The following CHKA variants were observed in gnomAD, a reference collection of about 807,000 sequenced individuals.
CHKA encodes the protein choline kinase alpha.
A neutral mutation model predicts 60.1 loss-of-function variants in CHKA; 34 were observed. The observed-to-expected ratio is 0.57, with a 90% confidence interval of 0.43 to 0.75. CHKA has a LOEUF of 0.75. Ranked by LOEUF, CHKA falls within the 30% of genes least tolerant of loss-of-function variation. CHKA has a pLI of 0.00. For synonymous variants in CHKA, 217 were observed against 223.1 expected (o/e 0.97, Z 0.24); for missense variants, 563 against 561.3 (o/e 1.00, Z -0.03).
rs556014104 is a variant in CHKA at position 68,064,647 on chromosome 11, T to C, written c.1126-16A>G. 29 of 1,440,016 alleles carry C rather than the reference T, an allele frequency of 2.0e-5. No homozygotes were observed. The South Asian group carries it at 2.3e-4, about 12-fold the overall frequency. 89.2% of individuals were successfully genotyped at this position (1,440,016 alleles called of 1,614,324 possible). Reference sequence around the variant, plus strand: ...TAAAATGGAGCTTAAAAAAAAGTAATTGTGTTAGGATCAATGATGGTTAAA... The same window carrying C: ...TAAAATGGAGCTTAAAAAAAAGTAACTGTGTTAGGATCAATGATGGTTAAA... On this transcript the variant is annotated splice_polypyrimidine_tract_variant and intron_variant, in intron 9 of 11. Transcript: ENST00000265689.
chr11:68,109,537 G>A (rs1365718931), intron 1 of CHKA, among the ~76,000 whole-genome samples: 1 of 152,150 alleles, frequency 6.6e-6, no homozygotes, highest in East Asian at 1.9e-4. Flanking sequence ...GCCCCCTCTG[G>A]CCATTCTGTC....
intron 11 of CHKA, chr11:68,061,747 C>T (rs1221416148): frequency 1.6e-6 from 1 of 609,010 alleles, no homozygotes; most frequent in South Asian, 1.5e-5. Flanking sequence ...AAGGCAACCA[C>T]AGCATCAGTG....
chr11:68,085,845 C>T (rs959875027), intron 2 of CHKA, among the ~76,000 whole-genome samples: 8 of 152,076 alleles, frequency 5.3e-5, no homozygotes, highest in African/African-American at 1.9e-4. Context: ...CTCACTGCAA[C>T]CTCCACCTCC....
At chr11:68,115,827 T>C (rs553953433) in intron 1 of CHKA, among the ~76,000 whole-genome samples, 113 of 152,332 alleles carry the variant, frequency 7.4e-4, no homozygotes, top group Non-Finnish European at 1.4e-3. Flanking sequence ...AAAAATGAAA[T>C]TGAAAATTGT....
rs1213897316 is a variant in CHKA, at chr11:68,121,091, CG to C, written c.86del (p.Pro29ArgfsTer126). The C allele has an allele frequency of 8.8e-7, 1 of 1,135,970 alleles. No homozygotes were observed. The highest frequency in any genetic ancestry group is 1.1e-6 in the Non-Finnish European group (1 of 927,142). 70.4% of individuals were successfully genotyped at this position (1,135,970 alleles called of 1,614,324 possible). On this transcript the variant is annotated frameshift_variant, in exon 1 of 12. Coordinates refer to ENST00000265689, the MANE Select transcript of CHKA (RefSeq NM_001277.3). LOFTEE classifies it high-confidence loss of function. Reference sequence around the variant, plus strand: ...CGCGCTGCTGCCCCACGCCGGGCGCCGGGGCCGCGCTGCCGCTACCGCAGCT... The same window carrying C: ...CGCGCTGCTGCCCCACGCCGGGCGCCGGGCCGCGCTGCCGCTACCGCAGCT... ...LLSCGSGSAA[P>X]APGVGQQRDA...
At chr11:68,080,343 A>AT (rs1426528412) in intron 3 of CHKA, among the ~76,000 whole-genome samples, 6 of 151,290 alleles carry the variant, frequency 4.0e-5, no homozygotes, top group Admixed American at 6.6e-5. Context: ...CTATTTCTTG[A>AT]TTTTTTTCTT....
At chr11:68,099,991 T>C (rs1857649624) in intron 1 of CHKA, among the ~76,000 whole-genome samples, 1 of 152,182 alleles carries the variant, frequency 6.6e-6, no homozygotes, top group South Asian at 2.1e-4. Context: ...TTGTCAATTA[T>C]TTTTTAGTGA....
At chr11:68,100,596 A>AATAAACAC (rs1565190595) in intron 1 of CHKA, among the ~76,000 whole-genome samples, 1 of 84,698 alleles carries the variant, frequency 1.2e-5, no homozygotes, top group African/African-American at 4.5e-5. Flanking sequence ...ATCTCCAATA[A>AATAAACAC]ATAAATACAT....
At chr11:68,062,082 T>C in intron 10 of CHKA, 48 bp from the exon 11 acceptor site, 3 of 1,241,770 alleles carry the variant, frequency 2.4e-6, no homozygotes, top group Non-Finnish European at 3.4e-6. Flanking sequence ...CAGTATCAGT[T>C]ACAGGACTGA....
In CHKA at chr11:68,088,110, CAAAAAAAAAAA is replaced by C. The variant is rs55932145; in HGVS notation, c.463-6664_463-6654del. Among the ~76,000 whole-genome samples, 237 of 71,250 alleles carry C rather than the reference CAAAAAAAAAAA, an allele frequency of 3.3e-3. 1 individual carries two copies. The highest frequency in any genetic ancestry group is 0.013 in the African/African-American group (225 of 17,194). The allele number at this position is 71,250 out of a possible 152,430, so 46.7% of individuals were successfully genotyped here. On this transcript the variant is annotated intron_variant, in intron 2 of 11. Transcript: ENST00000265689. Reference sequence around the variant, plus strand: ...CTTGGGCGACAGTGGGAGGCTGTCTCAAAAAAAAAAAAAAAAAAAAAAAAAAAATTCCTACT... The same window carrying C: ...CTTGGGCGACAGTGGGAGGCTGTCTCAAAAAAAAAAAAAAAAATTCCTACT...
At chr11:68,118,089 TG>T (rs1858461389) in intron 1 of CHKA, among the ~76,000 whole-genome samples, 1 of 152,056 alleles carries the variant, frequency 6.6e-6, no homozygotes, top group Non-Finnish European at 1.5e-5. Context: ...TGAGTTGAGG[TG>T]GTGAAGTCTC....
In CHKA at chr11:68,090,311, T is replaced by C. The variant is rs530833094; in HGVS notation, c.462+6708A>G. ...CACAGAATTAAACCATACTCAAAAG[T>C]ATAAGGGAATTTTTTTAAAGCAGAG... On this transcript the variant is annotated intron_variant, in intron 2 of 11. Transcript: ENST00000265689. 5.4e-4 allele frequency among the ~76,000 whole-genome samples: 82 copies of C among 152,184 alleles called. No homozygotes were observed. In the South Asian group the frequency reaches 0.016, roughly 30 times the overall value.
rs1234078516 is a variant in CHKA at position 68,061,936 on chromosome 11, AC to A, written c.1314+16del. On this transcript the variant is annotated intron_variant, in intron 11 of 11. Transcript: ENST00000265689. ...AGTAGGAAGAAAAAAAAAAACAAAA[AC>A]GCTGCTAAAACATACCATGTACCCA... The A allele has an allele frequency of 2.0e-6, 3 of 1,534,170 alleles. No homozygotes were observed. The East Asian group carries it at 6.9e-5, about 35-fold the overall frequency.
At chr11:68,110,615 G>A (rs1040430775) in intron 1 of CHKA, among the ~76,000 whole-genome samples, 2 of 152,174 alleles carry the variant, frequency 1.3e-5, no homozygotes, top group African/African-American at 4.8e-5. Context: ...TCAAGATGTC[G>A]GTTCTTCCCA....
At chr11:68,078,106 G>A (rs1488989761) in intron 3 of CHKA, among the ~76,000 whole-genome samples, 1 of 152,104 alleles carries the variant, frequency 6.6e-6, no homozygotes, top group East Asian at 1.9e-4. Flanking sequence ...TTTCTTATGT[G>A]ACTGTCACCA....
rs1444939923 is a variant in CHKA, at chr11:68,066,428, C to T, written c.1016+1G>A. 6.2e-7 allele frequency: 1 copy of T among 1,602,568 alleles called. No homozygotes were observed. The highest frequency in any genetic ancestry group is 8.6e-7 in the Non-Finnish European group (1 of 1,169,524). On this transcript the variant is annotated splice_donor_variant, in intron 8 of 11. Coordinates refer to ENST00000265689, the MANE Select transcript of CHKA (RefSeq NM_001277.3). LOFTEE classifies it high-confidence loss of function. Reference sequence around the variant, plus strand: ...GGAAACACTGGACTGTAACACAGTACCTGTAATTGTAACTGCTGTATTCGA... The same window carrying T: ...GGAAACACTGGACTGTAACACAGTATCTGTAATTGTAACTGCTGTATTCGA...
chr11:68,066,603 C>G (rs1441178424), intron 7 of CHKA, 87 bp from the exon 8 acceptor site: 6 of 1,025,666 alleles, frequency 5.8e-6, no homozygotes, highest in Non-Finnish European at 9.1e-6. Flanking sequence ...TGGATTTGAT[C>G]CCTTAGGGAA....
intron 1 of CHKA, among the ~76,000 whole-genome samples, chr11:68,108,870 C>T (rs937186697): frequency 1.3e-5 from 2 of 152,076 alleles, no homozygotes; most frequent in African/African-American, 4.8e-5. Context: ...GGTAGGAAAA[C>T]CTTAACTATA....
intron 11 of CHKA, among the ~76,000 whole-genome samples, chr11:68,054,775 G>A (rs1168283531): frequency 1.3e-5 from 2 of 152,146 alleles, no homozygotes; most frequent in Non-Finnish European, 2.9e-5. Context: ...CTCCACCACC[G>A]CAGTCAGGAG....
Sources: allele counts gnomAD v4.1 joint callset (sites outside exome capture counted in the v4.1 genomes callset), GRCh38; gene constraint gnomAD v4.1.1; transcripts MANE v1.5; gene names NCBI Gene and HGNC (gene_info 2026-07-23, HGNC 2026-07-21).